WDFY3: variants seen among roughly 807,000 people sequenced by gnomAD.
WDFY3 encodes WD repeat and FYVE domain containing 3, also known as WD repeat and FYVE domain-containing protein 3.
Under a neutral mutation model 409.6 loss-of-function variants are expected in WDFY3, and 66 were observed. The observed-to-expected ratio is 0.16, with a 90% confidence interval of 0.13 to 0.20. WDFY3 has a LOEUF of 0.20. Ranked by LOEUF, WDFY3 falls within the 10% of genes least tolerant of loss-of-function variation. The pLI is 1.00. For missense variants in WDFY3, 3,031 were observed against 4,298.1 expected (o/e 0.71, Z 8.24); for synonymous variants, 1,521 against 1,537.1 (o/e 0.99, Z 0.25).
intron 2 of WDFY3, among the ~76,000 whole-genome samples, chr4:84,927,125 A>G (rs1031851024): frequency 1.3e-5 from 2 of 152,194 alleles, no homozygotes; most frequent in African/African-American, 4.8e-5. Context: ...TATTTACAGT[A>G]ATTCACAAAT....
At chr4:84,895,115 T>C (rs569398320) in intron 3 of WDFY3, among the ~76,000 whole-genome samples, 13 of 152,142 alleles carry the variant, frequency 8.5e-5, no homozygotes, top group Non-Finnish European at 1.8e-4. Flanking sequence ...CCTCACATGG[T>C]TATAAAGCAA....
chr4:84,954,108 T>C (rs1773951699), intron 1 of WDFY3, among the ~76,000 whole-genome samples: 1 of 152,166 alleles, frequency 6.6e-6, no homozygotes, highest in Non-Finnish European at 1.5e-5. Flanking sequence ...AAATATGTTA[T>C]CATCTTTAGG....
intron 62 of WDFY3, among the ~76,000 whole-genome samples, chr4:84,685,741 T>A (rs1033521159): frequency 1.3e-5 from 2 of 152,234 alleles, no homozygotes; most frequent in Non-Finnish European, 2.9e-5. Flanking sequence ...AATCTTTTCA[T>A]GACTTATTAA....
At chr4:84,928,145 T>C (rs1036295797) in intron 2 of WDFY3, among the ~76,000 whole-genome samples, 1 of 152,198 alleles carries the variant, frequency 6.6e-6, no homozygotes, top group African/African-American at 2.4e-5. Context: ...AAGGGTGAAC[T>C]TGCCCTCTTT....
At chr4:84,895,817 CA>C (rs1322724481) in intron 3 of WDFY3, among the ~76,000 whole-genome samples, 1 of 151,684 alleles carries the variant, frequency 6.6e-6, no homozygotes, top group East Asian at 1.9e-4. Flanking sequence ...CTTTCAGGAT[CA>C]AAAGAAAAAG....
At chr4:84,733,682 A>C in intron 43 of WDFY3, 73 bp from the exon 44 acceptor site, 1 of 1,367,516 alleles carries the variant, frequency 7.3e-7, no homozygotes, top group East Asian at 2.3e-5. Context: ...AAGTCACTGA[A>C]AATCAAGTTA....
At chr4:84,848,390 G>T (rs996915992) in intron 5 of WDFY3, among the ~76,000 whole-genome samples, 2 of 152,060 alleles carry the variant, frequency 1.3e-5, no homozygotes, top group African/African-American at 4.8e-5. Flanking sequence ...TTCCCACACA[G>T]AACCTGATAC....
chr4:84,882,375 T>C (rs1249344197), intron 3 of WDFY3, among the ~76,000 whole-genome samples: 1 of 152,184 alleles, frequency 6.6e-6, no homozygotes, highest in Non-Finnish European at 1.5e-5. Flanking sequence ...ATTCAACTTT[T>C]AGTGGCTAGC....
At chr4:84,796,898 A>G in intron 18 of WDFY3, 146 bp from the exon 19 acceptor site, 1 of 643,994 alleles carries the variant, frequency 1.6e-6, no homozygotes, top group East Asian at 2.8e-5. Flanking sequence ...GTTTTAATGT[A>G]CATTTACTTT....
At chr4:84,714,069 T>C (rs1236420947) in intron 50 of WDFY3, among the ~76,000 whole-genome samples, 1 of 151,842 alleles carries the variant, frequency 6.6e-6, no homozygotes, top group Non-Finnish European at 1.5e-5. Flanking sequence ...TGAGCCGAGA[T>C]TGCGCCACTG....
At chr4:84,726,051 C>A (rs1051699771) in intron 45 of WDFY3, among the ~76,000 whole-genome samples, 1 of 152,038 alleles carries the variant, frequency 6.6e-6, no homozygotes, top group African/African-American at 2.4e-5. Flanking sequence ...AAGAACACTG[C>A]ACTATTTTTG....
rs1725600090 is a variant in WDFY3, at chr4:84,672,678, C to G, written c.*190G>C. The G allele has an allele frequency of 1.5e-6, 1 of 660,082 alleles. No individual in the cohort carries two copies. Among genetic ancestry groups the G allele is most frequent in the East Asian group, 3.0e-5 (1 of 33,238 alleles). The allele number at this position is 660,082 out of a possible 1,614,324, so 40.9% of individuals were successfully genotyped here. ...CTCATATTCTTCTTGTGCTGTTCAC[C>G]TGAATCGCGTCTGCCCCATTCCTGT... On this transcript the variant is annotated 3_prime_UTR_variant, in exon 68 of 68. Transcript: ENST00000295888.
rs369614346 is a variant in WDFY3, at chr4:84,821,441, T to C, written c.1234A>G (p.Met412Val). ...IILDAITNIY[M>V]ADNANYFILE... The stretch of plus-strand genomic sequence containing the variant: ...ATGAAGTAATTGGCATTGTCAGCCA[T>C]GTAAATATTTGTGATAGCATCAAGG... The change falls in exon 11 of 68, where the codon ATG becomes GTG. Residue 412 changes from methionine to valine, a missense_variant. By Grantham distance (21) the Met-to-Val change is conservative. Coordinates refer to ENST00000295888, the MANE Select transcript of WDFY3 (RefSeq NM_014991.6). The C allele has an allele frequency of 5.0e-5, 81 of 1,613,800 alleles. 1 individual carries two copies. In the South Asian group the frequency reaches 8.0e-4, roughly 16 times the overall value.
intron 46 of WDFY3, among the ~76,000 whole-genome samples, chr4:84,721,924 T>C (rs1007560235): frequency 2.0e-5 from 3 of 152,206 alleles, no homozygotes; most frequent in African/African-American, 4.8e-5. Context: ...GTAACTCATG[T>C]AAAGTGCTTA....
At chr4:84,787,392 A>G in intron 23 of WDFY3, 90 bp downstream of exon 23, 5 of 1,282,682 alleles carry the variant, frequency 3.9e-6, no homozygotes, top group Non-Finnish European at 5.4e-6. Context: ...TCCTAGATTA[A>G]CAATATGTAT....
chr4:84,944,251 A>G (rs745896674), intron 1 of WDFY3, among the ~76,000 whole-genome samples: 16 of 152,178 alleles, frequency 1.1e-4, no homozygotes, highest in Non-Finnish European at 2.2e-4. Context: ...TCAGCCAGGC[A>G]TGGTGGCTCA....
chr4:84,880,674 C>CACACACATAT (rs1218696740), intron 3 of WDFY3, among the ~76,000 whole-genome samples: 2 of 50,356 alleles, frequency 4.0e-5, no homozygotes, highest in Non-Finnish European at 6.7e-5. Flanking sequence ...GGGAACCATA[C>CACACACATAT]ATATATATAT....
intron 64 of WDFY3, among the ~76,000 whole-genome samples, chr4:84,680,816 G>T (rs1233857713): frequency 6.6e-6 from 1 of 152,206 alleles, no homozygotes; most frequent in Non-Finnish European, 1.5e-5. Flanking sequence ...ACAGGAGGGT[G>T]TTAGTAGGTT....
chr4:84,949,121 T>C (rs1202753779), intron 1 of WDFY3, among the ~76,000 whole-genome samples: 2 of 152,250 alleles, frequency 1.3e-5, no homozygotes, highest in Middle Eastern at 3.4e-3. Context: ...CTGATTCTAG[T>C]CTGTCCTGCA....
Sources: gnomAD v4.1 joint callset for allele counts (sites outside exome capture counted in the v4.1 genomes callset) on GRCh38, gnomAD v4.1.1 for gene constraint, MANE v1.5 for transcripts, NCBI Gene and HGNC (gene_info 2026-07-23, HGNC 2026-07-21) for gene names.